Variants in STAG1 observed in about 807,000 individuals in gnomAD.
STAG1 encodes the protein cohesin subunit SA-1.
In STAG1, 26 loss-of-function variants were observed where a neutral mutation model predicts 170.9. That is an observed-to-expected ratio of 0.15 (90% CI 0.11 to 0.21). STAG1 has a LOEUF of 0.21. Among genes scored for constraint, STAG1 ranks in the 10% least tolerant of loss-of-function variants. The pLI, the probability that STAG1 is intolerant of heterozygous loss-of-function variation, is 1.00. For missense variants in STAG1, 964 were observed against 1,509.5 expected (o/e 0.64, Z 5.99); for synonymous variants, 514 against 497.7 (o/e 1.03, Z -0.44).
chr3:136,471,416 A>C (rs2089624878), intron 12 of STAG1, among the ~76,000 whole-genome samples: 1 of 152,188 alleles, frequency 6.6e-6, no homozygotes, highest in African/African-American at 2.4e-5. Flanking sequence ...CAGACACAAG[A>C]AGGTAACTAG....
chr3:136,558,260 C>T (rs1220469141), intron 5 of STAG1, among the ~76,000 whole-genome samples: 1 of 152,116 alleles, frequency 6.6e-6, no homozygotes, highest in East Asian at 1.9e-4. Context: ...GGCGTGGTGG[C>T]ACATGCCTGT....
At chr3:136,524,836 G>A (rs1934908870) in intron 6 of STAG1, among the ~76,000 whole-genome samples, 1 of 152,166 alleles carries the variant, frequency 6.6e-6, no homozygotes, top group Non-Finnish European at 1.5e-5. Flanking sequence ...GGCCTTTTCA[G>A]CATCTATTGA....
At position 136,576,264 on chromosome 3, in the gene STAG1, T is replaced by G. The variant is rs184303803; in HGVS notation, c.298-7403A>C. ...AATGAGTATGATTCTATTTTTTAAA[T>G]AAATAAATCTCTCTTTTTCTCTCTC... On this transcript the variant is annotated intron_variant, in intron 4 of 33. Transcript: ENST00000383202. Among the ~76,000 whole-genome samples the G allele has an allele frequency of 5.9e-5, 9 of 152,294 alleles. No individual in the cohort carries two copies. The East Asian group carries it at 1.5e-3, about 26-fold the overall frequency.
intron 19 of STAG1, among the ~76,000 whole-genome samples, chr3:136,422,153 CAAAAA>C (rs11312063): frequency 3.1e-5 from 3 of 96,516 alleles, no homozygotes; most frequent in Admixed American, 2.2e-4. Context: ...GACTCTGCCT[CAAAAA>C]AAAAAAAAAA....
chr3:136,409,856 T>A (rs2087577191), intron 21 of STAG1, among the ~76,000 whole-genome samples: 1 of 151,996 alleles, frequency 6.6e-6, no homozygotes, highest in Admixed American at 6.6e-5. Flanking sequence ...GGTGGGAGGA[T>A]CCCATTTGAG....
chr3:136,643,235 C>T (rs1401951940), intron 1 of STAG1, among the ~76,000 whole-genome samples: 2 of 152,144 alleles, frequency 1.3e-5, no homozygotes, highest in Admixed American at 6.5e-5. Flanking sequence ...GAAATGTTTA[C>T]GAAGCAACTC....
intron 5 of STAG1, among the ~76,000 whole-genome samples, chr3:136,564,405 T>C (rs184620718): frequency 4.9e-4 from 75 of 152,334 alleles, no homozygotes; most frequent in Non-Finnish European, 3.2e-4. Context: ...CAGAATGTTG[T>C]TATGATTTTA....
chr3:136,508,830 C>T (rs183618136), intron 7 of STAG1, among the ~76,000 whole-genome samples: 9 of 152,366 alleles, frequency 5.9e-5, no homozygotes, highest in African/African-American at 2.2e-4. Flanking sequence ...CACAATTGTG[C>T]TGAGCCACAT....
intron 10 of STAG1, among the ~76,000 whole-genome samples, chr3:136,474,577 T>C (rs899247908): frequency 1.3e-5 from 2 of 152,238 alleles, no homozygotes; most frequent in African/African-American, 2.4e-5. Flanking sequence ...ATTAAGTTAT[T>C]GATGAGATGT....
chr3:136,464,696 T>TA (rs1391369131), intron 13 of STAG1, among the ~76,000 whole-genome samples, 185 bp downstream of exon 13: 1 of 152,194 alleles, frequency 6.6e-6, no homozygotes, highest in Non-Finnish European at 1.5e-5. Flanking sequence ...TGTCACAAGG[T>TA]ACAGCATCCT....
intron 22 of STAG1, among the ~76,000 whole-genome samples, chr3:136,388,502 G>A (rs527370885): frequency 6.6e-6 from 1 of 152,098 alleles, no homozygotes; most frequent in Non-Finnish European, 1.5e-5. Context: ...CTGAGTAGCT[G>A]GGATTACAGG....
At chr3:136,373,334 G>A (rs1245925130) in intron 23 of STAG1, among the ~76,000 whole-genome samples, 1 of 151,994 alleles carries the variant, frequency 6.6e-6, no homozygotes, top group Non-Finnish European at 1.5e-5. Context: ...AGGGTTTTTT[G>A]TGTCTCTATT....
intron 5 of STAG1, among the ~76,000 whole-genome samples, chr3:136,556,470 A>C (rs1453652583): frequency 6.6e-6 from 1 of 152,210 alleles, no homozygotes; most frequent in Non-Finnish European, 1.5e-5. Context: ...TCCAGTCCAA[A>C]AACTCAATAG....
At chr3:136,418,840 T>C (rs6779727) in intron 20 of STAG1, among the ~76,000 whole-genome samples, 127,469 of 151,848 alleles carry the variant, frequency 0.84, 53,651 homozygotes, top group East Asian at 0.99. Context: ...GGGGTTTCAC[T>C]ATGTTGGCCA....
chr3:136,656,258 G>A (rs569295021), intron 1 of STAG1, among the ~76,000 whole-genome samples: 189 of 152,164 alleles, frequency 1.2e-3, no homozygotes, highest in South Asian at 6.0e-3. Context: ...AATGGTAGTT[G>A]CCTGAAGCTG....
At chr3:136,485,388 C>T (rs1394502622) in intron 9 of STAG1, among the ~76,000 whole-genome samples, 2 of 151,884 alleles carry the variant, frequency 1.3e-5, no homozygotes, top group Non-Finnish European at 2.9e-5. Flanking sequence ...ACCCAGGAGG[C>T]GGAGGTTGCA....
chr3:136,508,617 T>A (rs1933887922), intron 7 of STAG1, among the ~76,000 whole-genome samples: 1 of 152,168 alleles, frequency 6.6e-6, no homozygotes, highest in South Asian at 2.1e-4. Context: ...AAACCCAGAA[T>A]TCAAGGTTGC....
At chr3:136,435,664 G>A (rs755423037) in intron 15 of STAG1, among the ~76,000 whole-genome samples, 2 of 151,666 alleles carry the variant, frequency 1.3e-5, no homozygotes, top group Admixed American at 6.6e-5. Flanking sequence ...ATACTTTCCC[G>A]AATTCTTTTT....
At chr3:136,751,808 CG>C (rs66637715) in intron 1 of STAG1, among the ~76,000 whole-genome samples, 60,949 of 148,186 alleles carry the variant, frequency 0.41, 13,496 homozygotes, top group African/African-American at 0.59. Flanking sequence ...AGAGCCCGGG[CG>C]GGGGGGGGCG....
Sources: gnomAD v4.1 joint callset for allele counts (sites outside exome capture counted in the v4.1 genomes callset) on GRCh38, gnomAD v4.1.1 for gene constraint, MANE v1.5 for transcripts, NCBI Gene and HGNC (gene_info 2026-07-23, HGNC 2026-07-21) for gene names.